FSD2: variants seen among roughly 807,000 people sequenced by gnomAD.
FSD2 encodes the protein fibronectin type III and SPRY domain-containing protein 2.
Under a neutral mutation model 80.4 loss-of-function variants are expected in FSD2, and 71 were observed. The observed-to-expected ratio is 0.88, with a 90% CI of 0.73 to 1.08. The LOEUF (loss-of-function observed/expected upper bound fraction) is 1.08, where lower values mean the gene tolerates loss of function less well. FSD2 is among the 50% of genes least tolerant of loss of function. The probability of loss-of-function intolerance (pLI) is 0.00; values close to 1 mark genes in which losing one functional copy is unlikely to be tolerated. For missense variants in FSD2, 923 were observed against 913.8 expected, an observed-to-expected ratio of 1.01 and a Z score of -0.13; for synonymous variants, 361 against 329.5, an observed-to-expected ratio of 1.10 and a Z score of -1.03.
chr15:82,771,148 T>C (rs2049559714), intron 7 of FSD2, among the ~76,000 whole-genome samples: 1 of 152,202 alleles, frequency 6.6e-6, no homozygotes, highest in Non-Finnish European at 1.5e-5. Flanking sequence ...CTTCTGGAAC[T>C]CAGCCCTCCA....
chr15:82,778,696 T>C, intron 6 of FSD2, 70 bp downstream of exon 6: 1 of 1,496,348 alleles, frequency 6.7e-7, no homozygotes, highest in South Asian at 1.3e-5. Context: ...TGCTAAGTGT[T>C]CTCATCACAA....
chr15:82,765,319 A>G (rs1318728186), intron 10 of FSD2, 21 bp from the exon 11 acceptor site: 1 of 1,612,732 alleles, frequency 6.2e-7, no homozygotes, highest in Non-Finnish European at 8.5e-7. Flanking sequence ...AGGAACACAC[A>G]GAAGACCCGC....
intron 8 of FSD2, 79 bp downstream of exon 8, chr15:82,769,670 GC>G: frequency 6.8e-7 from 1 of 1,474,540 alleles, no homozygotes; most frequent in Admixed American, 2.1e-5. Context: ...GAAATCAAGA[GC>G]CCTGCCATGT....
chr15:82,801,336 C>A (rs1308293885), intron 1 of FSD2, among the ~76,000 whole-genome samples: 1 of 152,208 alleles, frequency 6.6e-6, no homozygotes, highest in East Asian at 1.9e-4. Flanking sequence ...CGTGGCTACA[C>A]CCTGCCTTCG....
Position 82,782,846 on chromosome 15 carries a change from C to G in FSD2, c.915G>C (p.Leu305=). The change falls in exon 4 of 13, where the codon CTG becomes CTC. Residue 305 remains leucine (L), a synonymous_variant. Transcript: ENST00000334574. ...CGENLDTCKE[L]METIEEMCHE... ...GACACATCTCCTCTATTGTTTCCATCAGTTCTTTGCAAGTATCTAGGTTTT... is the reference window on the plus strand; with the variant it reads ...GACACATCTCCTCTATTGTTTCCATGAGTTCTTTGCAAGTATCTAGGTTTT... 1 of 1,613,974 alleles carries G rather than the reference C, an allele frequency of 6.2e-7. No homozygotes were observed. Among genetic ancestry groups the G allele is most frequent in the Non-Finnish European group, 8.5e-7 (1 of 1,179,892 alleles).
At chr15:82,778,303 A>G (rs575562872) in intron 6 of FSD2, among the ~76,000 whole-genome samples, 1 of 151,910 alleles carries the variant, frequency 6.6e-6, no homozygotes, top group African/African-American at 2.4e-5. Context: ...CCATCAATAG[A>G]TGGATGGATT....
intron 9 of FSD2, 134 bp from the exon 10 acceptor site, chr15:82,766,165 A>G (rs2049416012): frequency 4.9e-6 from 5 of 1,014,314 alleles, no homozygotes; most frequent in Admixed American, 6.0e-5. Flanking sequence ...TAACAGCAGC[A>G]TAGCCAGGAG....
chr15:82,796,023 A>G (rs1207827569), intron 1 of FSD2, among the ~76,000 whole-genome samples: 20 of 98,642 alleles, frequency 2.0e-4, no homozygotes, highest in Non-Finnish European at 3.1e-4. Context: ...TTTTTTTGAG[A>G]TGGAGTTTTG....
At chr15:82,766,755 A>AG (rs35681404) in intron 9 of FSD2, among the ~76,000 whole-genome samples, 25 of 149,806 alleles carry the variant, frequency 1.7e-4, no homozygotes, top group Non-Finnish European at 2.5e-4. Context: ...AAAAAAAAAA[A>AG]GGTCCTTGAT....
chr15:82,765,639 C>A (rs1001334540), intron 10 of FSD2, among the ~76,000 whole-genome samples: 8 of 152,154 alleles, frequency 5.3e-5, no homozygotes, highest in Middle Eastern at 3.2e-3. Context: ...TGCTCTTTAC[C>A]TCTAGCTGTA....
In FSD2 at chr15:82,772,259, C is replaced by T. The variant is rs1342534193; in HGVS notation, c.1112-31G>A. ...AAAAGAAAAGAAAAAAGAAGAGGAA[C>T]CTCTAATAGAGGTGTGGGGTGACAG... On this transcript the variant is annotated intron_variant, in intron 6 of 12. Coordinates refer to ENST00000334574, the MANE Select transcript of FSD2 (RefSeq NM_001007122.4). 5 of 1,581,654 alleles carry T rather than the reference C, an allele frequency of 3.2e-6. No homozygotes were observed. The South Asian group carries it at 4.6e-5, about 15-fold the overall frequency.
intron 12 of FSD2, among the ~76,000 whole-genome samples, chr15:82,761,839 C>T (rs1340108597): frequency 6.6e-6 from 1 of 151,872 alleles, no homozygotes; most frequent in African/African-American, 2.4e-5. Context: ...AATGAGATAA[C>T]ACAATTGTGA....
At position 82,757,180 on chromosome 15, in the gene FSD2, T is replaced by G. The variant is rs2049193666; in HGVS notation, c.*2168A>C. On this transcript the variant is annotated 3_prime_UTR_variant, in exon 13 of 13. Transcript: ENST00000334574. ...GCAATTCTAGACAGTTTTTTCTTGG[T>G]CAAATAAAAATTTAATTAAAACTTT... is the stretch of plus-strand genomic sequence containing the variant. The G allele has an allele frequency of 6.6e-6, 1 of 152,174 alleles. No homozygotes were observed. The highest frequency in any genetic ancestry group is 1.5e-5 in the Non-Finnish European group (1 of 68,028). The allele number at this position is 152,174 out of a possible 1,614,324, so 9.4% of individuals were successfully genotyped here.
rs567494400 is a variant in FSD2 at position 82,771,008 on chromosome 15, T to C, written c.1267+1065A>G. ...AGTCCCCAACCCCCCTTTTCAAAGC[T>C]CCTCGCCCCTCTCCATGTCCTCTTT... On this transcript the variant is annotated intron_variant, in intron 7 of 12. Coordinates refer to ENST00000334574, the MANE Select transcript of FSD2 (RefSeq NM_001007122.4). Among the ~76,000 whole-genome samples, 210 of 152,072 alleles carry C rather than the reference T, an allele frequency of 1.4e-3. 1 individual carries two copies. Among genetic ancestry groups the C allele is most frequent in the African/African-American group, 4.8e-3 (200 of 41,472 alleles).
intron 1 of FSD2, among the ~76,000 whole-genome samples, chr15:82,795,249 T>G (rs537607827): frequency 6.6e-6 from 1 of 152,218 alleles, no homozygotes; most frequent in Non-Finnish European, 1.5e-5. Flanking sequence ...TTATTAATTT[T>G]TAATTGATTC....
rs373369280 is a variant in FSD2, at chr15:82,755,907, A to C, written c.*3441T>G. The C allele has an allele frequency of 2.6e-4, 126 of 489,570 alleles. No homozygotes were observed. The highest frequency in any genetic ancestry group is 1.0e-3 in the Middle Eastern group (3 of 2,920). The allele number at this position is 489,570 out of a possible 1,614,324, so 30.3% of individuals were successfully genotyped here. A position where few individuals can be genotyped will look rare whatever the true frequency, so the allele number is the denominator to read the frequency against. Reference sequence around the variant, plus strand: ...TTATTTGAGTATCTTGACTTGTTAAAGGACAGTGTTTTAAAAGCTGGATTT... The same window carrying C: ...TTATTTGAGTATCTTGACTTGTTAACGGACAGTGTTTTAAAAGCTGGATTT... On this transcript the variant is annotated 3_prime_UTR_variant, in exon 13 of 13. Transcript: ENST00000334574.
At chr15:82,766,451 C>T (rs147797965) in intron 9 of FSD2, among the ~76,000 whole-genome samples, 326 of 152,120 alleles carry the variant, frequency 2.1e-3, no homozygotes, top group African/African-American at 6.9e-3. Flanking sequence ...CATAGAAGGC[C>T]GTCAATTCAG....
intron 5 of FSD2, among the ~76,000 whole-genome samples, chr15:82,779,174 C>A (rs1450765925): frequency 6.6e-6 from 1 of 152,172 alleles, no homozygotes; most frequent in Admixed American, 6.5e-5. Flanking sequence ...GAACCACACC[C>A]TCTGGAAGAT....
chr15:82,761,654 C>A (rs1405731268), intron 12 of FSD2, among the ~76,000 whole-genome samples: 1 of 150,360 alleles, frequency 6.7e-6, no homozygotes, highest in Non-Finnish European at 1.5e-5. Context: ...TATTTTTATT[C>A]TTTTATTTTA....
Sources: gnomAD v4.1 joint callset for allele counts (sites outside exome capture counted in the v4.1 genomes callset) on GRCh38, gnomAD v4.1.1 for gene constraint, MANE v1.5 for transcripts, NCBI Gene and HGNC (gene_info 2026-07-23, HGNC 2026-07-21) for gene names.